TNFRSF8: variants seen among roughly 807,000 people sequenced by gnomAD.
TNFRSF8 encodes the protein tumor necrosis factor receptor superfamily member 8.
TNFRSF8 carries 26 observed loss-of-function variants against 70.8 expected under a neutral mutation model. That is an observed-to-expected ratio of 0.37 (90% CI 0.27 to 0.51). TNFRSF8 has a LOEUF of 0.51. TNFRSF8 is among the 20% of genes least tolerant of loss of function. TNFRSF8 has a pLI of 0.94. For missense variants in TNFRSF8, 720 were observed against 807.9 expected (o/e 0.89, Z 1.32); for synonymous variants, 356 against 339.2 (o/e 1.05, Z -0.54).
rs748590228 is a variant in TNFRSF8 at position 12,113,705 on chromosome 1, CAG to C, written c.793+1699_793+1700del. Among the ~76,000 whole-genome samples, 4 of 149,460 alleles carry C rather than the reference CAG, an allele frequency of 2.7e-5. No homozygotes were observed. Among genetic ancestry groups the C allele is most frequent in the African/African-American group, 9.9e-5 (4 of 40,468 alleles). The stretch of plus-strand genomic sequence containing the variant: ...AAAGACAGAAAGAGAGACTGAGAGA[CAG>C]AGAGAGACAGAGATAGAGTGTGACA... On this transcript the variant is annotated intron_variant, in intron 7 of 14. Transcript: ENST00000263932. This position sits in a 1 kb window ranked among gnomAD's most constrained non-coding sequence, Gnocchi z 4.9.
chr1:12,128,833 C>CCTTT, intron 12 of TNFRSF8, among the ~76,000 whole-genome samples: 1 of 111,774 alleles, frequency 8.9e-6, no homozygotes, highest in East Asian at 2.6e-4. Flanking sequence ...GTCTAAAATT[C>CCTTT]TTTTTTTTTT....
intron 12 of TNFRSF8, among the ~76,000 whole-genome samples, chr1:12,134,842 G>A (rs1642115549): frequency 6.6e-6 from 1 of 152,104 alleles, no homozygotes; most frequent in Non-Finnish European, 1.5e-5. Context: ...CAGAGAATTC[G>A]GGGCTCTCCA....
chr1:12,067,163 T>C (rs933184157), intron 1 of TNFRSF8, among the ~76,000 whole-genome samples: 10 of 152,182 alleles, frequency 6.6e-5, no homozygotes, highest in Non-Finnish European at 1.5e-4. Context: ...TATTCCCCCA[T>C]AGCTCCATCC....
At chr1:12,135,737 C>T in intron 13 of TNFRSF8, 124 bp downstream of exon 13, 1 of 1,360,664 alleles carries the variant, frequency 7.3e-7, no homozygotes, top group Non-Finnish European at 1.0e-6. Context: ...CTGGCCATTC[C>T]CCTCCCACAG....
At chr1:12,124,842 A>G (rs898686595) in intron 10 of TNFRSF8, among the ~76,000 whole-genome samples, 2 of 141,696 alleles carry the variant, frequency 1.4e-5, no homozygotes, top group African/African-American at 5.2e-5. Context: ...ACAAAACAAA[A>G]CAAAACAAAA....
intron 12 of TNFRSF8, among the ~76,000 whole-genome samples, chr1:12,129,732 G>A (rs1028920841): frequency 1.3e-5 from 2 of 152,092 alleles, no homozygotes; most frequent in Non-Finnish European, 2.9e-5. Flanking sequence ...GCCAGGTTTC[G>A]ATGTCTCCCT....
intron 3 of TNFRSF8, among the ~76,000 whole-genome samples, chr1:12,101,300 G>A (rs1255548550): frequency 2.6e-5 from 4 of 151,958 alleles, no homozygotes; most frequent in South Asian, 2.1e-4. Context: ...GGTGGCATGC[G>A]CCTGTAGTCC....
chr1:12,067,867 C>T (rs1640768831), intron 1 of TNFRSF8, among the ~76,000 whole-genome samples: 1 of 128,956 alleles, frequency 7.8e-6, no homozygotes, highest in South Asian at 2.5e-4. Context: ...TCCAGGGCTG[C>T]TCAAATCCTG....
chr1:12,118,960 G>A (rs1641783572), intron 8 of TNFRSF8, among the ~76,000 whole-genome samples: 1 of 152,126 alleles, frequency 6.6e-6, no homozygotes, highest in South Asian at 2.1e-4. Flanking sequence ...CACCTCCCGG[G>A]TTCAAGCAGT....
chr1:12,097,167 A>G lies in TNFRSF8; in HGVS notation c.218A>G (p.Tyr73Cys). The G allele has an allele frequency of 1.2e-6, 2 of 1,614,052 alleles. No homozygotes were observed. The highest frequency in any genetic ancestry group is 1.7e-6 in the Non-Finnish European group (2 of 1,179,958). Residue 73 changes from tyrosine to cysteine, a missense_variant, in exon 3 of 15, where the codon TAC (tyrosine) becomes TGC (cysteine). By Grantham distance (194) the Tyr-to-Cys change is radical (BLOSUM62 -2). Coordinates refer to ENST00000263932, the MANE Select transcript of TNFRSF8 (RefSeq NM_001243.5). ...TDCRKQCEPDYYLDEADRCTA... is the reference protein window; with the variant it reads ...TDCRKQCEPDCYLDEADRCTA... ...TGCAGGAAGCAGTGTGAGCCTGACT[A>G]CTACCTGGATGAGGCCGACCGCTGT...
chr1:12,140,938 G>T (rs944106766), intron 14 of TNFRSF8, among the ~76,000 whole-genome samples: 2 of 152,074 alleles, frequency 1.3e-5, no homozygotes, highest in Non-Finnish European at 2.9e-5. Context: ...GGCTCCTAGG[G>T]CTGGGAGCCC....
chr1:12,065,857 C>G lies in TNFRSF8; in HGVS notation c.63+2196C>G, dbSNP rs142039599. 2.7e-3 allele frequency among the ~76,000 whole-genome samples: 413 copies of G among 152,228 alleles called. 1 individual carries two copies. The highest frequency in any genetic ancestry group is 9.2e-3 in the African/African-American group (380 of 41,530). On this transcript the variant is annotated intron_variant, in intron 1 of 14. Coordinates refer to ENST00000263932, the MANE Select transcript of TNFRSF8 (RefSeq NM_001243.5). ...TTGTTCTCTACTACAGTGCACAGCC[C>G]TATATGGATGCTTTTGGAAATAAAT...
intron 8 of TNFRSF8, among the ~76,000 whole-genome samples, chr1:12,118,932 T>C (rs1641782957): frequency 6.6e-6 from 1 of 152,144 alleles, no homozygotes; most frequent in South Asian, 2.1e-4. Context: ...TGACGCGATC[T>C]TGGCCCACCA....
Position 12,097,150 on chromosome 1 carries a change from G to A in TNFRSF8, c.201G>A (p.Lys67=). Residue 67 remains lysine, a synonymous_variant, in exon 3 of 15, where the codon AAG becomes AAA. Coordinates refer to ENST00000263932, the MANE Select transcript of TNFRSF8 (RefSeq NM_001243.5). The stretch of plus-strand genomic sequence containing the variant: ...CACAGAGGCCTACTGACTGCAGGAA[G>A]CAGTGTGAGCCTGACTACTACCTGG... The part of the protein sequence containing the change: ...QCPQRPTDCR[K]QCEPDYYLDE... 1 of 1,614,142 alleles carries A rather than the reference G, an allele frequency of 6.2e-7. No homozygotes were observed. The highest frequency in any genetic ancestry group is 8.5e-7 in the Non-Finnish European group (1 of 1,179,994).
chr1:12,094,673 TG>T (rs1641301607), intron 2 of TNFRSF8, among the ~76,000 whole-genome samples: 1 of 148,626 alleles, frequency 6.7e-6, no homozygotes, highest in Non-Finnish European at 1.5e-5. Context: ...TCGCCCAGGC[TG>T]GAGTGCAGTG....
intron 7 of TNFRSF8, among the ~76,000 whole-genome samples, chr1:12,115,275 C>T (rs1330485603): frequency 6.6e-6 from 1 of 152,140 alleles, no homozygotes; most frequent in Admixed American, 6.5e-5. Flanking sequence ...CCAGCCATCC[C>T]CCTCTAAAAG....
chr1:12,137,828 C>G (rs1012386790), intron 13 of TNFRSF8, among the ~76,000 whole-genome samples: 1 of 151,920 alleles, frequency 6.6e-6, no homozygotes, highest in African/African-American at 2.4e-5. Flanking sequence ...TGCCAGGGTT[C>G]AAATCCTAGC....
At chr1:12,067,205 G>C (rs77390684) in intron 1 of TNFRSF8, among the ~76,000 whole-genome samples, 12,248 of 152,198 alleles carry the variant, frequency 0.08, 567 homozygotes, top group Middle Eastern at 0.13. Context: ...GTGGGGTTGC[G>C]GGGCGGGGGA....
chr1:12,141,852 T>G lies in TNFRSF8; in HGVS notation c.1544-435T>G, dbSNP rs1218554980. Among the ~76,000 whole-genome samples, 2 of 152,132 alleles carry G rather than the reference T, an allele frequency of 1.3e-5. No individual in the cohort carries two copies. The highest frequency in any genetic ancestry group is 4.8e-5 in the African/African-American group (2 of 41,442). ...TCATTTAACCTCTCCAGGCTTCAGATTCTTACCTGTAAATGGGAATCTTGA... is the reference window on the plus strand; with the variant it reads ...TCATTTAACCTCTCCAGGCTTCAGAGTCTTACCTGTAAATGGGAATCTTGA... On this transcript the variant is annotated intron_variant, in intron 14 of 14. Coordinates refer to ENST00000263932, the MANE Select transcript of TNFRSF8 (RefSeq NM_001243.5). The surrounding 1 kb of genome is among the most constrained non-coding windows in gnomAD (Gnocchi z 5.4).
Sources: gnomAD v4.1 joint callset for allele counts (sites outside exome capture counted in the v4.1 genomes callset) on GRCh38, gnomAD v4.1.1 for gene constraint, Gnocchi (gnomAD v3.1) non-coding constraint, MANE v1.5 for transcripts, NCBI Gene and HGNC (gene_info 2026-07-23, HGNC 2026-07-21) for gene names.